IQGAP3: variants seen among roughly 807,000 people sequenced by gnomAD.
IQGAP3 encodes ras GTPase-activating-like protein IQGAP3.
A neutral mutation model predicts 208.2 loss-of-function variants in IQGAP3; 165 were observed. The ratio of observed to expected loss-of-function variants is 0.79; its 90% confidence interval spans 0.70 to 0.90. IQGAP3 has a LOEUF of 0.90. Ranked by LOEUF, IQGAP3 falls within the 40% of genes least tolerant of loss-of-function variation. The probability of loss-of-function intolerance (pLI) is 0.00; values close to 1 mark genes in which losing one functional copy is unlikely to be tolerated. For synonymous variants in IQGAP3, 703 were observed against 803.6 expected, an observed-to-expected ratio of 0.87 and a Z score of 2.12; for missense variants, 1,811 against 2,043.1, an observed-to-expected ratio of 0.89 and a Z score of 2.19.
intron 24 of IQGAP3, 116 bp downstream of exon 24, chr1:156,539,722 T>C (rs1674883263): frequency 4.6e-6 from 6 of 1,308,276 alleles, no homozygotes; most frequent in Non-Finnish European, 6.5e-6. Flanking sequence ...GGATAAGGAA[T>C]TAAGATTATG....
At chr1:156,530,380 A>G (rs1674334561) in intron 33 of IQGAP3, 63 bp from the exon 34 acceptor site, 2 of 1,430,510 alleles carry the variant, frequency 1.4e-6, no homozygotes, top group Admixed American at 3.8e-5. Context: ...CACACCAGTG[A>G]AGGTCCCATG....
chr1:156,527,350 C>A (rs192958055), intron 37 of IQGAP3, among the ~76,000 whole-genome samples: 1 of 151,846 alleles, frequency 6.6e-6, no homozygotes, highest in African/African-American at 2.4e-5. Flanking sequence ...TGGTGGCGCA[C>A]GCCTGTAATC....
intron 15 of IQGAP3, 144 bp from the exon 16 acceptor site, chr1:156,550,495 G>A: frequency 1.6e-6 from 1 of 636,574 alleles, no homozygotes; most frequent in Non-Finnish European, 2.8e-6. Flanking sequence ...TCTGCCCTGT[G>A]TGTGGGCATG....
chr1:156,538,848 T>C lies in IQGAP3; in HGVS notation c.3242A>G (p.Asn1081Ser). Residue 1081 changes from asparagine to serine, a missense_variant, in exon 26 of 38, where the codon AAC (asparagine) becomes AGC (serine). Coordinates refer to ENST00000361170, the MANE Select transcript of IQGAP3 (RefSeq NM_178229.5). ...CTGGGCCTCAGTCTGGTTGATCCAG[T>C]TCTTATAGAGGTGGACAGGGTCTGT... ...VHTDPVHLYK[N>S]WINQTEAQTG... is the part of the protein sequence containing the mutation. The C allele has an allele frequency of 6.2e-7, 1 of 1,614,196 alleles. No individual in the cohort carries two copies.
Position 156,554,396 on chromosome 1 carries a change from C to CAATG in IQGAP3, c.1291-8_1291-5dup, listed in dbSNP as rs749465252. On this transcript the variant is annotated splice_region_variant and splice_polypyrimidine_tract_variant and intron_variant, in intron 12 of 37. Coordinates refer to ENST00000361170, the MANE Select transcript of IQGAP3 (RefSeq NM_178229.5). ...AGAGCTCCTCCTGGCCAAGCTCCTA[C>CAATG]AATGGGTGGGAGGGCCAATTCCCAA... 7 of 1,597,854 alleles carry CAATG rather than the reference C, an allele frequency of 4.4e-6. No homozygotes were observed. Among genetic ancestry groups the CAATG allele is most frequent in the Non-Finnish European group, 6.0e-6 (7 of 1,173,286 alleles).
At chr1:156,540,052 C>T (rs935505028) in intron 23 of IQGAP3, 62 bp from the exon 24 acceptor site, 54 of 1,587,348 alleles carry the variant, frequency 3.4e-5, no homozygotes, top group Admixed American at 2.0e-4. Flanking sequence ...ACAGAACATA[C>T]GGTCTAGAAT....
chr1:156,530,515 C>T (rs1349041792), intron 33 of IQGAP3, among the ~76,000 whole-genome samples, 198 bp from the exon 34 acceptor site: 10 of 152,168 alleles, frequency 6.6e-5, no homozygotes, highest in Admixed American at 6.5e-4. Context: ...CAAGGTATAA[C>T]ACCATAATGC....
At chr1:156,571,410 A>G (rs1193236535) in intron 1 of IQGAP3, among the ~76,000 whole-genome samples, 1 of 152,294 alleles carries the variant, frequency 6.6e-6, no homozygotes, top group East Asian at 1.9e-4. Context: ...GCAATGATTC[A>G]GGGAAGGGCA....
chr1:156,572,143 T>G (rs919448061), intron 1 of IQGAP3, among the ~76,000 whole-genome samples: 2 of 152,188 alleles, frequency 1.3e-5, no homozygotes, highest in Middle Eastern at 3.2e-3. Context: ...AGGCGTCTTG[T>G]CCGGTGGCAT....
chr1:156,554,723 A>C (rs1675741195), intron 12 of IQGAP3, among the ~76,000 whole-genome samples: 1 of 152,218 alleles, frequency 6.6e-6, no homozygotes, highest in Non-Finnish European at 1.5e-5. Context: ...CACACTTAAC[A>C]AGTAAGCTCT....
At chr1:156,529,930 A>AAAAAAAAG in intron 34 of IQGAP3, among the ~76,000 whole-genome samples, 175 bp downstream of exon 34, 1 of 151,552 alleles carries the variant, frequency 6.6e-6, no homozygotes, top group Non-Finnish European at 1.5e-5. Flanking sequence ...AAAAAAAAAA[A>AAAAAAAAG]AAAAGAAAAA....
In IQGAP3 at chr1:156,561,888, C is replaced by A. The variant is rs1676165167; in HGVS notation, c.991G>T (p.Ala331Ser). The A allele has an allele frequency of 6.2e-7, 1 of 1,614,088 alleles. No homozygotes were observed. Among genetic ancestry groups the A allele is most frequent in the Admixed American group, 1.7e-5 (1 of 60,012 alleles). Residue 331 changes from alanine (A) to serine (S), a missense_variant, in exon 10 of 38, where the codon GCT becomes TCT. Transcript: ENST00000361170. ...LALRGVRRDF[A>S]DWYLEQLNSD... ...TTCAGCTGCTCCAGGTACCAGTCAG[C>A]AAAGTCTCTCCTCACCCCTCGCAGG...
At chr1:156,555,080 A>G (rs1280080867) in intron 12 of IQGAP3, among the ~76,000 whole-genome samples, 1 of 152,048 alleles carries the variant, frequency 6.6e-6, no homozygotes, top group African/African-American at 2.4e-5. Flanking sequence ...GAACTGCACT[A>G]GGCCCTGGGT....
At chr1:156,531,374 G>A in intron 32 of IQGAP3, 127 bp from the exon 33 acceptor site, 1 of 708,968 alleles carries the variant, frequency 1.4e-6, no homozygotes, top group Non-Finnish European at 2.6e-6. Context: ...TATAAGGAGA[G>A]AGAGCGAGGG....
Position 156,531,192 on chromosome 1 carries a change from C to T in IQGAP3, c.4159G>A (p.Glu1387Lys), listed in dbSNP as rs749068871. 9.9e-6 allele frequency: 16 copies of T among 1,613,894 alleles called. No individual in the cohort carries two copies. Among genetic ancestry groups the T allele is most frequent in the Non-Finnish European group, 1.4e-5 (16 of 1,179,878 alleles). ...CTGGAAGCCGAGAGGGACAGGATCT[C>T]CTTGAGGGTGTCCCCAGGATGGAAC... is the stretch of plus-strand genomic sequence containing the variant. ...IQFHPGDTLK[E>K]ILSLSASREQ... Residue 1387 changes from glutamate to lysine, a missense_variant, in exon 33 of 38, where the codon GAG (glutamate) becomes AAG (lysine). Coordinates refer to ENST00000361170, the MANE Select transcript of IQGAP3 (RefSeq NM_178229.5).
Position 156,539,893 on chromosome 1 carries a change from C to T in IQGAP3, c.2837G>A (p.Ser946Asn), listed in dbSNP as rs1433423631. ...TTCTAGTTTCTGCCGTTTCTCTTTG[C>T]TCAGCGACTTTAAACCCTTCTGCTT... ...LDKQKGLKSLSKEKRQKLEAY... is the reference protein window; with the variant it reads ...LDKQKGLKSLNKEKRQKLEAY... Residue 946 changes from serine to asparagine, a missense_variant, in exon 24 of 38, where the codon AGC (serine) becomes AAC (asparagine). Coordinates refer to ENST00000361170, the MANE Select transcript of IQGAP3 (RefSeq NM_178229.5). 6.2e-7 allele frequency: 1 copy of T among 1,614,166 alleles called. No individual in the cohort carries two copies. The highest frequency in any genetic ancestry group is 2.2e-5 in the East Asian group (1 of 44,852).
At chr1:156,526,660 G>A (rs916724059) in intron 37 of IQGAP3, 61 bp from the exon 38 acceptor site, 22 of 1,183,720 alleles carry the variant, frequency 1.9e-5, no homozygotes, top group Non-Finnish European at 2.8e-5. Flanking sequence ...CAGTCAGATG[G>A]TGTACAAAAC....
Position 156,572,546 on chromosome 1 carries a change from G to C in IQGAP3, c.-17C>G. ...CCTCTCCATGTTCCTCCTTCTTCCA[G>C]GTTTGAATCTCCCGCCGTTGGGCCA... On this transcript the variant is annotated 5_prime_UTR_variant, in exon 1 of 38. Coordinates refer to ENST00000361170, the MANE Select transcript of IQGAP3 (RefSeq NM_178229.5). 1.2e-6 allele frequency: 2 copies of C among 1,612,902 alleles called. No individual in the cohort carries two copies. The highest frequency in any genetic ancestry group is 1.7e-6 in the Non-Finnish European group (2 of 1,179,888).
At chr1:156,545,272 T>C (rs1675182476) in intron 19 of IQGAP3, among the ~76,000 whole-genome samples, 1 of 152,152 alleles carries the variant, frequency 6.6e-6, no homozygotes, top group Non-Finnish European at 1.5e-5. Context: ...CCTCCAAGCT[T>C]GTGTGGGATT....
Sources: allele counts gnomAD v4.1 joint callset (sites outside exome capture counted in the v4.1 genomes callset), GRCh38; gene constraint gnomAD v4.1.1; transcripts MANE v1.5; gene names NCBI Gene and HGNC (gene_info 2026-07-23, HGNC 2026-07-21).